The following TRANK1 variants were observed in gnomAD, a reference collection of about 807,000 sequenced individuals.
TRANK1 encodes tetratricopeptide repeat and ankyrin repeat containing 1.
In TRANK1, 198 loss-of-function variants were observed where a neutral mutation model predicts 266.0. The ratio of observed to expected loss-of-function variants is 0.74; its 90% CI spans 0.66 to 0.84. The LOEUF (loss-of-function observed/expected upper bound fraction) is 0.84, where lower values mean the gene tolerates loss of function less well. TRANK1 is among the 40% of genes least tolerant of loss of function. The pLI, the probability that TRANK1 is intolerant of heterozygous loss-of-function variation, is 0.00. For synonymous variants in TRANK1, 1,396 were observed against 1,384.1 expected (o/e 1.01, Z -0.19); for missense variants, 3,326 against 3,634.6 (o/e 0.92, Z 2.18).
At position 36,899,153 on chromosome 3, in the gene TRANK1, G is replaced by A. The variant is rs979018651; in HGVS notation, c.389C>T (p.Ala130Val). ...TCCAACAAGGAAATCAGCAACCGGT[G>A]CCTGGTCTTGGCTTCTCTGCACAAG... ...LRLVQRSQDQ[A>V]PVADFLVGVF... Residue 130 changes from alanine (A) to valine (V), a missense_variant, in exon 4 of 24, where the codon GCA becomes GTA. Ala to Val is a moderately conservative substitution (Grantham distance 64). Coordinates refer to ENST00000645898, the MANE Select transcript of TRANK1 (RefSeq NM_001329998.2). The A allele has an allele frequency of 3.9e-6, 6 of 1,537,264 alleles. No homozygotes were observed. The highest frequency in any genetic ancestry group is 5.2e-6 in the Non-Finnish European group (6 of 1,146,924).
In TRANK1 at chr3:36,878,858, A is replaced by G. The variant is rs555936885; in HGVS notation, c.908-4562T>C. ...CCATTTAACTGTCTTGTTTAATTAA[A>G]ACGTACTAGGATTTTCCTAGTTTCC... is the stretch of plus-strand genomic sequence containing the variant. On this transcript the variant is annotated intron_variant, in intron 8 of 23. Transcript: ENST00000645898. Among the ~76,000 whole-genome samples the G allele has an allele frequency of 5.3e-5, 8 of 152,190 alleles. No homozygotes were observed. In the East Asian group the frequency reaches 1.2e-3, roughly 22 times the overall value.
Position 36,855,826 on chromosome 3 carries a change from C to T in TRANK1, c.3896G>A (p.Gly1299Glu). The T allele has an allele frequency of 6.2e-7, 1 of 1,613,712 alleles. No individual in the cohort carries two copies. Among genetic ancestry groups the T allele is most frequent in the Non-Finnish European group, 8.5e-7 (1 of 1,179,844 alleles). ...AGCTTTATCCTCCTCACTGTAGTCC[C>T]CATCCACCTCAGCCTCCTCTTCATC... Reference protein sequence around the residue: ...QEDEEEAEVDGDYSEEDKAVE... With the variant: ...QEDEEEAEVDEDYSEEDKAVE... The change falls in exon 13 of 24, where the codon GGG becomes GAG. Residue 1299 changes from glycine to glutamate, a missense_variant. Transcript: ENST00000645898.
At chr3:36,904,011 T>C (rs1272179506) in intron 2 of TRANK1, among the ~76,000 whole-genome samples, 2 of 151,842 alleles carry the variant, frequency 1.3e-5, no homozygotes, top group African/African-American at 4.8e-5. Flanking sequence ...CAAGCTGGAA[T>C]GCAGTGGTGC....
rs754783824 is a variant in TRANK1 at position 36,828,311 on chromosome 3, C to T, written c.8874G>A (p.Arg2958=). The change falls in exon 24 of 24, where the codon AGG becomes AGA. Residue 2958 remains arginine (R), a synonymous_variant. Coordinates refer to ENST00000645898, the MANE Select transcript of TRANK1 (RefSeq NM_001329998.2). The part of the protein sequence containing the change: ...VEDFGELRPR[R]RSRKCGKQRK... ...TCTGCTTTCCACATTTCCGAGAACGCCTTCTAGGCCGAAGCTCACCAAAGT... is the reference window on the plus strand; with the variant it reads ...TCTGCTTTCCACATTTCCGAGAACGTCTTCTAGGCCGAAGCTCACCAAAGT... 1 of 1,612,904 alleles carries T rather than the reference C, an allele frequency of 6.2e-7. No homozygotes were observed. The highest frequency in any genetic ancestry group is 8.5e-7 in the Non-Finnish European group (1 of 1,179,568).
rs1345645984 is a variant in TRANK1, at chr3:36,834,849, C to T, written c.5576G>A (p.Cys1859Tyr). 5.6e-6 allele frequency: 9 copies of T among 1,613,618 alleles called. No homozygotes were observed. Among genetic ancestry groups the T allele is most frequent in the Non-Finnish European group, 1.7e-6 (2 of 1,179,836 alleles). ...RSQCYKDAFR[C>Y]FEQIQEFDLA... Reference sequence around the variant, plus strand: ...ATCAAATTCCTGAATCTGCTCAAAGCATCTGAAAGCGTCTTTGTAGCACTG... The same window carrying T: ...ATCAAATTCCTGAATCTGCTCAAAGTATCTGAAAGCGTCTTTGTAGCACTG... Residue 1859 changes from cysteine to tyrosine, a missense_variant, in exon 21 of 24, where the codon TGC (cysteine) becomes TAC (tyrosine). By Grantham distance (194) the Cys-to-Tyr change is radical. Coordinates refer to ENST00000645898, the MANE Select transcript of TRANK1 (RefSeq NM_001329998.2).
In TRANK1 at chr3:36,855,643, G is replaced by A. The variant is rs1353313325; in HGVS notation, c.4079C>T (p.Ala1360Val). Residue 1360 changes from alanine to valine, a missense_variant, in exon 13 of 24, where the codon GCC becomes GTC. Physicochemically the swap from Ala to Val is moderately conservative, Grantham distance 64. Coordinates refer to ENST00000645898, the MANE Select transcript of TRANK1 (RefSeq NM_001329998.2). ...GAGTCTCCCATGGGGACAGCTGAGG[G>A]CCTCAAAAGAACCCTTTAGAAAAGA... ...IKSFLKGSFE[A>V]LSCPHGRLTE... 1.2e-6 allele frequency: 2 copies of A among 1,613,648 alleles called. No homozygotes were observed. The highest frequency in any genetic ancestry group is 1.7e-5 in the Admixed American group (1 of 59,968).
chr3:36,898,020 G>T (rs898047046), intron 4 of TRANK1, among the ~76,000 whole-genome samples: 1 of 152,224 alleles, frequency 6.6e-6, no homozygotes, highest in Admixed American at 6.5e-5. Flanking sequence ...CGCTGATTCT[G>T]CAGTGCCGGG....
At chr3:36,835,234 G>C (rs1057470781) in intron 20 of TRANK1, among the ~76,000 whole-genome samples, 2 of 146,534 alleles carry the variant, frequency 1.4e-5, no homozygotes, top group African/African-American at 2.5e-5. Context: ...CAGGAGAATG[G>C]CGTGAACCCG....
rs147234957 is a variant in TRANK1 at position 36,881,913 on chromosome 3, G to A, written c.908-7617C>T. ...GCAATCTTCCTCCGTGTTGTAGCAT[G>A]TATCAGTACTTCCTTTTTATGGTTG... On this transcript the variant is annotated intron_variant, in intron 8 of 23. Coordinates refer to ENST00000645898, the MANE Select transcript of TRANK1 (RefSeq NM_001329998.2). 5.7e-3 allele frequency among the ~76,000 whole-genome samples: 875 copies of A among 152,292 alleles called. 4 individuals carry two copies. The highest frequency in any genetic ancestry group is 0.02 in the African/African-American group (819 of 41,556).
chr3:36,903,858 G>C (rs1483254834), intron 2 of TRANK1, among the ~76,000 whole-genome samples: 1 of 152,218 alleles, frequency 6.6e-6, no homozygotes, highest in African/African-American at 2.4e-5. Context: ...CAGGCCAGAA[G>C]AAAAAGGAAA....
At chr3:36,913,551 C>G (rs1386075790) in intron 1 of TRANK1, among the ~76,000 whole-genome samples, 2 of 152,010 alleles carry the variant, frequency 1.3e-5, no homozygotes, top group Non-Finnish European at 2.9e-5. Context: ...CTTTCCTCTT[C>G]CCCGCAGGAA....
At chr3:36,937,046 G>A (rs761592231) in intron 1 of TRANK1, among the ~76,000 whole-genome samples, 2 of 152,142 alleles carry the variant, frequency 1.3e-5, no homozygotes, top group Admixed American at 6.5e-5. Flanking sequence ...GCAGTGAGCC[G>A]AGATCATGCC....
chr3:36,921,476 G>A (rs1382995518), intron 1 of TRANK1, among the ~76,000 whole-genome samples: 1 of 152,202 alleles, frequency 6.6e-6, no homozygotes, highest in Non-Finnish European at 1.5e-5. Flanking sequence ...AAGGGAGTAA[G>A]AGTACAGCTC....
chr3:36,878,067 G>A (rs1375795439), intron 8 of TRANK1, among the ~76,000 whole-genome samples: 2 of 152,048 alleles, frequency 1.3e-5, no homozygotes, highest in Non-Finnish European at 2.9e-5. Context: ...TGGCCTGTTA[G>A]GAAGCGGGCC....
At position 36,857,087 on chromosome 3, in the gene TRANK1, G is replaced by A; in HGVS notation, c.2635C>T (p.Leu879=). The A allele has an allele frequency of 6.2e-7, 1 of 1,614,050 alleles. No individual in the cohort carries two copies. Among genetic ancestry groups the A allele is most frequent in the Non-Finnish European group, 8.5e-7 (1 of 1,179,900 alleles). The change falls in exon 13 of 24, where the codon CTG becomes TTG. Residue 879 remains leucine (L), a synonymous_variant. Transcript: ENST00000645898. The surrounding 1 kb of genome is among the most constrained non-coding windows in gnomAD (Gnocchi z 4.3). ...TGGATGCTTCCTTTCAGGTGCTTCA[G>A]TCGCTTCTGCAGGCCCTGGGTCCAC... The part of the protein sequence containing the change: ...GEWTQGLQKR[L]KHLKGSIQLF...
rs2079666345 is a variant in TRANK1, at chr3:36,890,081, G to A, written c.776-121C>T. 4 of 1,338,916 alleles carry A rather than the reference G, an allele frequency of 3.0e-6. No individual in the cohort carries two copies. In the East Asian group the frequency reaches 1.0e-4, roughly 34 times the overall value. The allele number at this position is 1,338,916 out of a possible 1,614,324, so 82.9% of individuals were successfully genotyped here. On this transcript the variant is annotated intron_variant, in intron 7 of 23. Transcript: ENST00000645898. ...AAAATCAGCAAAGCAAGTCAGTGTG[G>A]ACCACGCTAAGGTAACCAAATGAGG...
In TRANK1 at chr3:36,890,215, T is replaced by G. The variant is rs11925815; in HGVS notation, c.776-255A>C. On this transcript the variant is annotated intron_variant, in intron 7 of 23. Coordinates refer to ENST00000645898, the MANE Select transcript of TRANK1 (RefSeq NM_001329998.2). ...CTACCCATAATCATCGTAGGTCAGG[T>G]TCCCTAGAAGCCTGAGACAGGGATT... is the stretch of plus-strand genomic sequence containing the variant. 4.3e-3 allele frequency among the ~76,000 whole-genome samples: 654 copies of G among 152,228 alleles called. 6 individuals are homozygous for G. The highest frequency in any genetic ancestry group is 0.015 in the African/African-American group (623 of 41,524).
At chr3:36,846,794 G>A (rs1394275146) in intron 16 of TRANK1, among the ~76,000 whole-genome samples, 2 of 152,172 alleles carry the variant, frequency 1.3e-5, no homozygotes, top group Non-Finnish European at 2.9e-5. Context: ...CGTGTACTCA[G>A]TTTATCCCAA....
At chr3:36,917,668 A>C (rs2080145153) in intron 1 of TRANK1, among the ~76,000 whole-genome samples, 1 of 152,200 alleles carries the variant, frequency 6.6e-6, no homozygotes, top group Non-Finnish European at 1.5e-5. Flanking sequence ...ATTACCAAGT[A>C]TTTAGTAAAC....
Sources: allele counts gnomAD v4.1 joint callset (sites outside exome capture counted in the v4.1 genomes callset), GRCh38; gene constraint gnomAD v4.1.1; non-coding constraint Gnocchi (gnomAD v3.1); transcripts MANE v1.5; gene names NCBI Gene and HGNC (gene_info 2026-07-23, HGNC 2026-07-21).